Variants in FAM135B observed in about 807,000 individuals in gnomAD.
FAM135B encodes family with sequence similarity 135 member B.
Under a neutral mutation model 127.7 loss-of-function variants are expected in FAM135B, and 43 were observed. The ratio of observed to expected loss-of-function variants is 0.34; its 90% CI spans 0.26 to 0.43. The LOEUF (loss-of-function observed/expected upper bound fraction) is 0.43, where lower values mean the gene tolerates loss of function less well. FAM135B is among the 20% of genes least tolerant of loss of function. FAM135B has a pLI of 1.00. For synonymous variants in FAM135B, 670 were observed against 665.1 expected (o/e 1.01, Z -0.11); for missense variants, 1,558 against 1,725.6 (o/e 0.90, Z 1.72).
intron 6 of FAM135B, among the ~76,000 whole-genome samples, chr8:138,247,155 G>A (rs763645428): frequency 1.3e-5 from 2 of 152,174 alleles, no homozygotes; most frequent in Non-Finnish European, 2.9e-5. Flanking sequence ...CTTCGGACTT[G>A]GACTTTTGGG....
At chr8:138,143,393 A>G (rs2130631610) in intron 15 of FAM135B, among the ~76,000 whole-genome samples, 1 of 152,304 alleles carries the variant, frequency 6.6e-6, no homozygotes, top group South Asian at 2.1e-4. Context: ...CTGGCGTGTC[A>G]GCGTGACACT....
chr8:138,435,221 C>T (rs976972703), intron 1 of FAM135B, among the ~76,000 whole-genome samples: 77 of 151,974 alleles, frequency 5.1e-4, no homozygotes, highest in Admixed American at 5.2e-4. Context: ...TACTTGAACC[C>T]GGGAGGCAGA....
At chr8:138,159,255 G>C (rs1475061122) in intron 12 of FAM135B, among the ~76,000 whole-genome samples, 1 of 101,346 alleles carries the variant, frequency 9.9e-6, no homozygotes, top group African/African-American at 3.8e-5. Context: ...GTCCGGCCTG[G>C]GCGACAGAGC....
At position 138,148,574 on chromosome 8, in the gene FAM135B, C is replaced by T. The variant is rs1312615014; in HGVS notation, c.3394G>A (p.Glu1132Lys). 4.3e-6 allele frequency: 7 copies of T among 1,613,870 alleles called. No individual in the cohort carries two copies. Among genetic ancestry groups the T allele is most frequent in the East Asian group, 2.2e-5 (1 of 44,886 alleles). The change falls in exon 14 of 20, where the codon GAA (glutamate) becomes AAA (lysine). Residue 1132 changes from glutamate to lysine, a missense_variant. By Grantham distance (56) the Glu-to-Lys change is moderately conservative. Transcript: ENST00000395297. ...TGAATTCCATCTTCCAAATTTTCTT[C>T]CTCTTCCTCTGGTGGGAAATATGGT... ...DIPYFPPEEE[E>K]ENLEDGIHLV... is the part of the protein sequence containing the mutation.
intron 3 of FAM135B, among the ~76,000 whole-genome samples, chr8:138,285,058 A>T (rs1359994617): frequency 6.6e-6 from 1 of 152,052 alleles, no homozygotes. Context: ...AATAATAAAA[A>T]TATAGAGAAG....
chr8:138,173,710 C>A (rs1394998918), intron 11 of FAM135B, among the ~76,000 whole-genome samples: 2 of 152,186 alleles, frequency 1.3e-5, no homozygotes, highest in Non-Finnish European at 1.5e-5. Flanking sequence ...GAATGAATTC[C>A]TTTTGAAAAG....
chr8:138,273,203 T>C (rs948536436), intron 3 of FAM135B, among the ~76,000 whole-genome samples: 1 of 152,156 alleles, frequency 6.6e-6, no homozygotes, highest in Non-Finnish European at 1.5e-5. Context: ...AAATAATCTT[T>C]TTTTGTTTTG....
chr8:138,353,299 T>C (rs1829890839), intron 2 of FAM135B, among the ~76,000 whole-genome samples: 1 of 152,186 alleles, frequency 6.6e-6, no homozygotes. Context: ...CACAAGGCTC[T>C]CTGGCTGCTG....
intron 1 of FAM135B, among the ~76,000 whole-genome samples, chr8:138,400,567 G>A (rs1036565751): frequency 3.3e-5 from 5 of 152,290 alleles, no homozygotes; most frequent in Admixed American, 3.3e-4. Context: ...AAGTAGGTCA[G>A]ACTCCTACTC....
chr8:138,178,820 AT>A, intron 9 of FAM135B, 130 bp from the exon 10 acceptor site: 1 of 699,220 alleles, frequency 1.4e-6, no homozygotes. Context: ...CATCTGTAGT[AT>A]TATATATTAC....
chr8:138,301,660 A>C (rs1825896975), intron 3 of FAM135B, among the ~76,000 whole-genome samples: 1 of 152,202 alleles, frequency 6.6e-6, no homozygotes, highest in South Asian at 2.1e-4. Context: ...GAAGAAAGCA[A>C]CATGGTGCCA....
intron 6 of FAM135B, among the ~76,000 whole-genome samples, chr8:138,248,192 A>C (rs764284209): frequency 1.3e-5 from 2 of 152,228 alleles, no homozygotes; most frequent in Non-Finnish European, 2.9e-5. Flanking sequence ...TAACAGAGTT[A>C]ACAAGCAGGG....
intron 1 of FAM135B, among the ~76,000 whole-genome samples, chr8:138,398,207 T>C (rs991658512): frequency 6.6e-6 from 1 of 152,190 alleles, no homozygotes; most frequent in Non-Finnish European, 1.5e-5. Context: ...AGAGGAGTTA[T>C]GGCACCATGC....
At chr8:138,140,561 G>T (rs1482954443) in intron 17 of FAM135B, among the ~76,000 whole-genome samples, 1 of 152,090 alleles carries the variant, frequency 6.6e-6, no homozygotes, top group Non-Finnish European at 1.5e-5. Flanking sequence ...GTCCTTCTTT[G>T]TCTGACTCTT....
intron 3 of FAM135B, among the ~76,000 whole-genome samples, chr8:138,299,811 A>G (rs1191963997): frequency 6.6e-6 from 1 of 152,046 alleles, no homozygotes; most frequent in Admixed American, 6.6e-5. Context: ...ATAAAGAGTT[A>G]GTTACCAGGA....
intron 12 of FAM135B, among the ~76,000 whole-genome samples, chr8:138,157,176 A>G (rs952284534): frequency 6.6e-6 from 1 of 152,234 alleles, no homozygotes; most frequent in African/African-American, 2.4e-5. Context: ...CATCATACAA[A>G]CAGAACCAAG....
At chr8:138,175,910 A>G (rs1814416677) in intron 11 of FAM135B, among the ~76,000 whole-genome samples, 1 of 152,198 alleles carries the variant, frequency 6.6e-6, no homozygotes, top group South Asian at 2.1e-4. Context: ...TTACTTCATC[A>G]GTCACCTTCT....
intron 9 of FAM135B, among the ~76,000 whole-genome samples, chr8:138,188,998 A>G (rs182316166): frequency 6.6e-6 from 1 of 152,344 alleles, no homozygotes; most frequent in East Asian, 1.9e-4. Flanking sequence ...GCCCAAAGTA[A>G]GAACATGCAT....
intron 7 of FAM135B, among the ~76,000 whole-genome samples, chr8:138,212,058 A>T (rs1818185594): frequency 6.6e-6 from 1 of 152,186 alleles, no homozygotes; most frequent in South Asian, 2.1e-4. Context: ...ACAGAAAGAC[A>T]TTGTCTCAAA....
Sources: gnomAD v4.1 joint callset for allele counts (sites outside exome capture counted in the v4.1 genomes callset) on GRCh38, gnomAD v4.1.1 for gene constraint, MANE v1.5 for transcripts, NCBI Gene and HGNC (gene_info 2026-07-23, HGNC 2026-07-21) for gene names.